Variants in LMO7 observed in about 807,000 individuals in gnomAD.
The protein encoded by LMO7 is LIM domain only protein 7.
A neutral mutation model predicts 206.5 loss-of-function variants in LMO7; 120 were observed. That is an observed-to-expected ratio of 0.58 (90% CI 0.50 to 0.68). The LOEUF is 0.68. LMO7 is among the 30% of genes least tolerant of loss of function. LMO7 has a pLI of 0.00. For missense variants in LMO7, 1,959 were observed against 1,957.9 expected, an observed-to-expected ratio of 1.00 and a Z score of -0.01; for synonymous variants, 706 against 681.5, an observed-to-expected ratio of 1.04 and a Z score of -0.56.
intron 3 of LMO7, among the ~76,000 whole-genome samples, chr13:75,729,837 AG>A (rs1314084086): frequency 1.3e-4 from 19 of 149,788 alleles, no homozygotes; most frequent in African/African-American, 4.7e-4. Context: ...TTTAGCATGA[AG>A]GGTTGTTGAA....
At position 75,713,208 on chromosome 13, in the gene LMO7, A is replaced by G. The variant is rs1242124649; in HGVS notation, c.96A>G (p.Thr32=). Residue 32 remains threonine (T), a synonymous_variant, in exon 2 of 31, where the codon ACA becomes ACG. Coordinates refer to ENST00000377534, the MANE Select transcript of LMO7 (RefSeq NM_001306080.2). The stretch of plus-strand genomic sequence containing the variant: ...CAGTAACAGAGAAGAATTTTGAAAC[A>G]AAAGATTTTCGAGCCTCTCTAGAAA... The part of the protein sequence containing the change: ...VEAVTEKNFE[T]KDFRASLENG... The G allele has an allele frequency of 6.2e-7, 1 of 1,612,006 alleles. No individual in the cohort carries two copies. Among genetic ancestry groups the G allele is most frequent in the East Asian group, 2.2e-5 (1 of 44,814 alleles).
intron 3 of LMO7, among the ~76,000 whole-genome samples, chr13:75,753,502 C>T (rs956845685): frequency 7.9e-5 from 12 of 152,094 alleles, no homozygotes; most frequent in African/African-American, 2.9e-4. Context: ...TATGGTTTGG[C>T]TGTGTCCTCA....
rs1156514502 is a variant in LMO7 at position 75,841,176 on chromosome 13, G to A, written c.3650G>A (p.Arg1217Lys). Residue 1217 changes from arginine (R) to lysine (K), a missense_variant, in exon 23 of 31, where the codon AGA (arginine) becomes AAA (lysine). Transcript: ENST00000377534. ...CAAAGGGCCAAACAGGAGGCAGAGAGAGAGAATTCCAAGTACTTGGATGAG... is the reference window on the plus strand; with the variant it reads ...CAAAGGGCCAAACAGGAGGCAGAGAAAGAGAATTCCAAGTACTTGGATGAG... ...EWQRAKQEAE[R>K]ENSKYLDEEL... is the part of the protein sequence containing the mutation. 6.2e-7 allele frequency: 1 copy of A among 1,612,682 alleles called. No individual in the cohort carries two copies. The highest frequency in any genetic ancestry group is 2.2e-5 in the East Asian group (1 of 44,854).
intron 11 of LMO7, among the ~76,000 whole-genome samples, chr13:75,815,894 T>G (rs1469419943): frequency 1.3e-5 from 2 of 152,186 alleles, no homozygotes. Flanking sequence ...GCAACATTAG[T>G]AACCACAAGA....
chr13:75,626,577 T>TA (rs71127564), intron 2 of LMO7, among the ~76,000 whole-genome samples: 6,698 of 72,260 alleles, frequency 0.093, 991 homozygotes, highest in Non-Finnish European at 0.11. Context: ...AACATATATA[T>TA]TATATATATA....
At position 75,817,322 on chromosome 13, in the gene LMO7, ACTTTT is replaced by A. The variant is rs571910608; in HGVS notation, c.2064+49_2064+53del. ...GGAGGGGAGAGAGTGTATTTGTCTA[ACTTTT>A]CTTTGCTTCTCTTAAAGTCAATATA... On this transcript the variant is annotated intron_variant, in intron 12 of 30. Coordinates refer to ENST00000377534, the MANE Select transcript of LMO7 (RefSeq NM_001306080.2). 287 of 1,276,246 alleles carry A rather than the reference ACTTTT, an allele frequency of 2.2e-4. 1 individual carries two copies. The African/African-American group carries it at 3.9e-3, about 17-fold the overall frequency. The allele number at this position is 1,276,246 out of a possible 1,614,324, so 79.1% of individuals were successfully genotyped here. A position where few individuals can be genotyped will look rare whatever the true frequency, so the allele number is the denominator to read the frequency against.
intron 11 of LMO7, among the ~76,000 whole-genome samples, chr13:75,811,003 A>G (rs191745102): frequency 6.6e-6 from 1 of 152,232 alleles, no homozygotes; most frequent in Admixed American, 6.5e-5. Flanking sequence ...TAACTACACA[A>G]ATAAAGCAAG....
chr13:75,725,136 T>C (rs2044358806), intron 2 of LMO7, among the ~76,000 whole-genome samples: 1 of 152,136 alleles, frequency 6.6e-6, no homozygotes, highest in Non-Finnish European at 1.5e-5. Context: ...CTATTATTAA[T>C]TCCAGAAACT....
At chr13:75,832,992 C>A in intron 15 of LMO7, 59 bp from the exon 16 acceptor site, 1 of 905,350 alleles carries the variant, frequency 1.1e-6, no homozygotes, top group Non-Finnish European at 1.9e-6. Flanking sequence ...CATGGATAGA[C>A]TTTCCTCCAT....
intron 1 of LMO7, among the ~76,000 whole-genome samples, chr13:75,678,722 G>T (rs9565181): frequency 0.41 from 62,058 of 152,106 alleles, 13,852 homozygotes; most frequent in Middle Eastern, 0.53. Context: ...GGTTCCAAAT[G>T]GAGTGATAAA....
intron 11 of LMO7, among the ~76,000 whole-genome samples, chr13:75,815,499 A>T (rs959231522): frequency 2.6e-5 from 4 of 152,200 alleles, no homozygotes; most frequent in Non-Finnish European, 5.9e-5. Flanking sequence ...GAAGAGGACA[A>T]TCAGTTTTTT....
At chr13:75,672,646 C>T (rs2039686252) in intron 1 of LMO7, among the ~76,000 whole-genome samples, 2 of 152,176 alleles carry the variant, frequency 1.3e-5, no homozygotes, top group African/African-American at 4.8e-5. Flanking sequence ...AGTAGGGTAA[C>T]TCCCAGCTGC....
At chr13:75,621,633 C>T in exon 1 of LMO7, 2 of 956,718 alleles carry the variant, frequency 2.1e-6, no homozygotes, top group Non-Finnish European at 3.0e-6. Context: ...AGGGCAAGTG[C>T]AAATAAGTTC....
chr13:75,649,948 T>G (rs2037398474), intron 1 of LMO7, among the ~76,000 whole-genome samples: 1 of 152,202 alleles, frequency 6.6e-6, no homozygotes, highest in South Asian at 2.1e-4. Context: ...AAAATATCTC[T>G]TATGTCCCCA....
chr13:75,628,773 C>T (rs1429901772), intron 2 of LMO7, among the ~76,000 whole-genome samples: 51 of 152,196 alleles, frequency 3.4e-4, no homozygotes, highest in Admixed American at 3.3e-3. Flanking sequence ...AGGACCTCTT[C>T]TCTTATAATC....
chr13:75,730,313 A>G (rs1211290026), intron 3 of LMO7, among the ~76,000 whole-genome samples: 1 of 152,138 alleles, frequency 6.6e-6, no homozygotes, highest in Non-Finnish European at 1.5e-5. Context: ...AGATCCTGTT[A>G]TTGGTCTGTT....
chr13:75,639,699 A>G (rs993249510), intron 1 of LMO7, among the ~76,000 whole-genome samples: 2 of 152,236 alleles, frequency 1.3e-5, no homozygotes, highest in Admixed American at 6.5e-5. Flanking sequence ...CAAAATACTA[A>G]TGAGATTGAA....
At chr13:75,809,647 C>T (rs1244176408) in intron 11 of LMO7, among the ~76,000 whole-genome samples, 1 of 152,022 alleles carries the variant, frequency 6.6e-6, no homozygotes, top group African/African-American at 2.4e-5. Flanking sequence ...AATCGGCCAA[C>T]TGGGAGCTTC....
intron 4 of LMO7, among the ~76,000 whole-genome samples, chr13:75,773,377 T>C (rs1311421379): frequency 6.6e-6 from 1 of 152,112 alleles, no homozygotes; most frequent in Non-Finnish European, 1.5e-5. Context: ...CCAAAAACTT[T>C]TGAGCAGATA....
Sources: allele counts gnomAD v4.1 joint callset (sites outside exome capture counted in the v4.1 genomes callset), GRCh38; gene constraint gnomAD v4.1.1; transcripts MANE v1.5; gene names NCBI Gene and HGNC (gene_info 2026-07-23, HGNC 2026-07-21).